Variants in ZKSCAN3 observed in about 807,000 individuals in gnomAD.
The protein encoded by ZKSCAN3 is zinc finger with KRAB and SCAN domains 3, also known as zinc finger protein with KRAB and SCAN domains 3.
A neutral mutation model predicts 30.7 loss-of-function variants in ZKSCAN3; 21 were observed. The ratio of observed to expected loss-of-function variants is 0.68; its 90% CI spans 0.49 to 0.99. The LOEUF (loss-of-function observed/expected upper bound fraction) is 0.99. Ranked by LOEUF, ZKSCAN3 falls within the 50% of genes least tolerant of loss-of-function variation. The pLI is 0.00. For synonymous variants in ZKSCAN3, 201 were observed against 246.7 expected (o/e 0.81, Z 1.73); for missense variants, 507 against 647.1 (o/e 0.78, Z 2.35).
At chr6:28,357,113 C>T (rs759462863) in intron 1 of ZKSCAN3, among the ~76,000 whole-genome samples, 1 of 152,186 alleles carries the variant, frequency 6.6e-6, no homozygotes, top group African/African-American at 2.4e-5. Context: ...GGTGATGAGC[C>T]TCCCCAGATT....
In ZKSCAN3 at chr6:28,368,676, A is replaced by G. The variant is rs1766069417; in HGVS notation, c.*2391A>G. The G allele has an allele frequency of 6.4e-6, 1 of 155,114 alleles. No homozygotes were observed. Among genetic ancestry groups the G allele is most frequent in the South Asian group, 2.0e-4 (1 of 4,932 alleles). The allele number at this position is 155,114 out of a possible 1,614,324, so 9.6% of individuals were successfully genotyped here. On this transcript the variant is annotated 3_prime_UTR_variant, in exon 6 of 6. Transcript: ENST00000252211. ...AAGGAGAAGTGCACTAACAAAATGA[A>G]CAATGCAGCAAGGGCTTCAGTCGCA...
intron 1 of ZKSCAN3, chr6:28,350,436 A>C (rs1199348335): frequency 6.6e-6 from 1 of 152,252 alleles, no homozygotes. Flanking sequence ...GCCAAGAGCC[A>C]GAACGTTGGA....
In ZKSCAN3 at chr6:28,366,076, C is replaced by G; in HGVS notation, c.1408C>G (p.Gln470Glu). 6.2e-7 allele frequency: 1 copy of G among 1,608,586 alleles called. No individual in the cohort carries two copies. The highest frequency in any genetic ancestry group is 8.5e-7 in the Non-Finnish European group (1 of 1,177,842). The change falls in exon 6 of 6, where the codon CAG (glutamine) becomes GAG (glutamate). Residue 470 changes from glutamine to glutamate, a missense_variant. Gln to Glu is a conservative substitution (Grantham distance 29). Coordinates refer to ENST00000252211, the MANE Select transcript of ZKSCAN3 (RefSeq NM_024493.4). The part of the protein sequence containing the change: ...GEAWKSRMES[Q>E]LENVETPMSY... Reference sequence around the variant, plus strand: ...GGCCTGGAAAAGTAGGATGGAAAGCCAGTTGGAAAATGTTGAAACTCCCAT... The same window carrying G: ...GGCCTGGAAAAGTAGGATGGAAAGCGAGTTGGAAAATGTTGAAACTCCCAT...
At position 28,351,362 on chromosome 6, in the gene ZKSCAN3, C is replaced by G. The variant is rs559001956; in HGVS notation, c.-63+1295C>G. ...ACACCCTCCTCATTCCACTTGGGCT[C>G]CAGATTCACTCTGGGTTGGGCTGTG... On this transcript the variant is annotated intron_variant, in intron 1 of 5. Transcript: ENST00000252211. This position sits in a 1 kb window ranked among gnomAD's most constrained non-coding sequence, Gnocchi z 4.6. Among the ~76,000 whole-genome samples the G allele has an allele frequency of 4.6e-5, 7 of 152,314 alleles. No individual in the cohort carries two copies. In the East Asian group the frequency reaches 9.6e-4, roughly 21 times the overall value.
intron 1 of ZKSCAN3, among the ~76,000 whole-genome samples, chr6:28,356,775 G>A (rs555758844): frequency 1.3e-5 from 2 of 152,336 alleles, no homozygotes; most frequent in East Asian, 3.9e-4. Flanking sequence ...CTCCACACTC[G>A]TGGAGGGCCT....
intron 1 of ZKSCAN3, among the ~76,000 whole-genome samples, chr6:28,357,397 C>T (rs1765500654): frequency 6.6e-6 from 1 of 152,202 alleles, no homozygotes; most frequent in Non-Finnish European, 1.5e-5. Context: ...TTGACGACCT[C>T]AGGAAACCTG....
Position 28,365,853 on chromosome 6 carries a change from GA to G in ZKSCAN3, c.1187del (p.Lys396SerfsTer47). The G allele has an allele frequency of 6.2e-7, 1 of 1,613,908 alleles. No individual in the cohort carries two copies. The highest frequency in any genetic ancestry group is 1.1e-5 in the South Asian group (1 of 91,042). On this transcript the variant is annotated frameshift_variant, in exon 6 of 6. Coordinates refer to ENST00000252211, the MANE Select transcript of ZKSCAN3 (RefSeq NM_024493.4). LOFTEE classifies it low-confidence loss of function (END_TRUNC). ...IKHQRTHTGE[K>X]PYECDDCGKT... Reference sequence around the variant, plus strand: ...AGCATCAGAGAACCCACACTGGGGAGAAGCCCTATGAGTGTGATGACTGTGG... The same window carrying G: ...AGCATCAGAGAACCCACACTGGGGAGAGCCCTATGAGTGTGATGACTGTGG...
At position 28,366,013 on chromosome 6, in the gene ZKSCAN3, AC is replaced by A; in HGVS notation, c.1346del (p.Thr449MetfsTer83). On this transcript the variant is annotated frameshift_variant, in exon 6 of 6. Transcript: ENST00000252211. LOFTEE classifies it low-confidence loss of function (END_TRUNC). ...SHLLRHQRIH[T>X]GDKNVQEPEQ... is the part of the protein sequence containing the mutation. ...TCTCCTGAGACATCAGAGGATCCAT[AC>A]TGGGGATAAAAATGTTCAGGAACCT... 6.2e-7 allele frequency: 1 copy of A among 1,613,858 alleles called. No homozygotes were observed. Among genetic ancestry groups the A allele is most frequent in the South Asian group, 1.1e-5 (1 of 91,034 alleles).
chr6:28,352,781 C>G (rs1382406442), intron 1 of ZKSCAN3, among the ~76,000 whole-genome samples: 1 of 152,042 alleles, frequency 6.6e-6, no homozygotes, highest in Admixed American at 6.6e-5. Context: ...GAAGTATTTT[C>G]TGGTACTTTT....
chr6:28,361,595 C>A, intron 3 of ZKSCAN3, 124 bp downstream of exon 3: 3 of 1,105,770 alleles, frequency 2.7e-6, no homozygotes, highest in Non-Finnish European at 2.5e-6. Context: ...TCATTTAAGA[C>A]TGAGACTAAA....
chr6:28,353,765 A>G, intron 1 of ZKSCAN3: 3 of 451,414 alleles, frequency 6.6e-6, no homozygotes, highest in South Asian at 3.1e-5. Flanking sequence ...GGATAGAGAA[A>G]AGAAAAGGTC....
At position 28,365,871 on chromosome 6, in the gene ZKSCAN3, T is replaced by A; in HGVS notation, c.1203T>A (p.Asp401Glu). 1 of 1,613,596 alleles carries A rather than the reference T, an allele frequency of 6.2e-7. No individual in the cohort carries two copies. Among genetic ancestry groups the A allele is most frequent in the East Asian group, 2.2e-5 (1 of 44,890 alleles). The change falls in exon 6 of 6, where the codon GAT becomes GAA. Residue 401 changes from aspartate (D) to glutamate (E), a missense_variant. Transcript: ENST00000252211. Reference protein sequence around the residue: ...THTGEKPYECDDCGKTFSQSC... With the variant: ...THTGEKPYECEDCGKTFSQSC... ...CTGGGGAGAAGCCCTATGAGTGTGA[T>A]GACTGTGGGAAGACCTTCAGCCAGA...
At chr6:28,359,308 G>A (rs1344570543) in intron 1 of ZKSCAN3, among the ~76,000 whole-genome samples, 2 of 152,104 alleles carry the variant, frequency 1.3e-5, no homozygotes, top group Non-Finnish European at 2.9e-5. Context: ...TTCCTGATTA[G>A]TCAGGGGCTT....
chr6:28,352,666 A>G (rs1765117786), intron 1 of ZKSCAN3, among the ~76,000 whole-genome samples: 1 of 152,234 alleles, frequency 6.6e-6, no homozygotes, highest in South Asian at 2.1e-4. Context: ...TCACCTGTAC[A>G]CTGGTATTTG....
intron 5 of ZKSCAN3, among the ~76,000 whole-genome samples, chr6:28,364,735 C>A (rs189661918): frequency 1.3e-5 from 2 of 152,040 alleles, no homozygotes; most frequent in African/African-American, 2.4e-5. Flanking sequence ...TTATTTATTT[C>A]TTTTGTTTTT....
chr6:28,350,684 C>T (rs1311037196), intron 1 of ZKSCAN3, among the ~76,000 whole-genome samples: 1 of 152,170 alleles, frequency 6.6e-6, no homozygotes, highest in East Asian at 1.9e-4. Flanking sequence ...TATGATGACA[C>T]ATTAGTGACT....
intron 1 of ZKSCAN3, among the ~76,000 whole-genome samples, chr6:28,357,447 A>G (rs1275411967): frequency 6.6e-6 from 1 of 152,250 alleles, no homozygotes; most frequent in African/African-American, 2.4e-5. Context: ...GGAGCTGAGA[A>G]GAACCAGGAA....
At chr6:28,352,031 G>A (rs1218837324) in intron 1 of ZKSCAN3, among the ~76,000 whole-genome samples, 3 of 151,314 alleles carry the variant, frequency 2.0e-5, no homozygotes, top group African/African-American at 4.9e-5. Flanking sequence ...AGTGGGGTCC[G>A]AATATGGTTC....
intron 2 of ZKSCAN3, chr6:28,360,515 C>G: frequency 2.1e-6 from 2 of 939,202 alleles, no homozygotes; most frequent in Non-Finnish European, 2.5e-6. Flanking sequence ...TCATGGACTA[C>G]GTGGGAAGGA....
Sources: allele counts gnomAD v4.1 joint callset (sites outside exome capture counted in the v4.1 genomes callset), GRCh38; gene constraint gnomAD v4.1.1; non-coding constraint Gnocchi (gnomAD v3.1); transcripts MANE v1.5; gene names NCBI Gene and HGNC (gene_info 2026-07-23, HGNC 2026-07-21).